PKP4: variants seen among roughly 807,000 people sequenced by gnomAD.
PKP4 encodes plakophilin-4.
PKP4 carries 90 observed loss-of-function variants against 145.1 expected under a neutral mutation model. That is an observed-to-expected ratio of 0.62 (90% CI 0.52 to 0.74). The LOEUF is 0.74. Ranked by LOEUF, PKP4 falls within the 30% of genes least tolerant of loss-of-function variation. PKP4 has a pLI of 0.00. For synonymous variants in PKP4, 563 were observed against 577.2 expected, an observed-to-expected ratio of 0.98 and a Z score of 0.35; for missense variants, 1,340 against 1,482.7, an observed-to-expected ratio of 0.90 and a Z score of 1.58.
chr2:158,620,320 G>GT (rs1170058834), intron 4 of PKP4, among the ~76,000 whole-genome samples: 1 of 152,032 alleles, frequency 6.6e-6, no homozygotes, highest in African/African-American at 2.4e-5. Flanking sequence ...AATGGGGTTT[G>GT]TTTTTTTCAA....
In PKP4 at chr2:158,654,616, G is replaced by T. The variant is rs143554703; in HGVS notation, c.1910-3515G>T. Among the ~76,000 whole-genome samples, 1,463 of 152,262 alleles carry T rather than the reference G, an allele frequency of 9.6e-3. 15 individuals carry two copies. Among genetic ancestry groups the T allele is most frequent in the Non-Finnish European group, 0.016 (1,090 of 68,026 alleles). On this transcript the variant is annotated intron_variant, in intron 11 of 21. Transcript: ENST00000389759. ...TGGATTCTCCTATCCCCGTAACTAA[G>T]ATGGTGGTTTCAGCAACCATCTGTT...
chr2:158,459,005 G>A (rs1689352447), intron 1 of PKP4, among the ~76,000 whole-genome samples: 1 of 152,130 alleles, frequency 6.6e-6, no homozygotes, highest in Non-Finnish European at 1.5e-5. Flanking sequence ...AATCAATGAT[G>A]GCTAGTATGC....
Position 158,673,942 on chromosome 2 carries a change from C to G in PKP4, c.3069C>G (p.Phe1023Leu), listed in dbSNP as rs1458428593. Reference sequence around the variant, plus strand: ...TGTCGACATTGGAGCGAGACCGATTCAAATCACATCCTTCCTTGTCTACCA... The same window carrying G: ...TGTCGACATTGGAGCGAGACCGATTGAAATCACATCCTTCCTTGTCTACCA... ...TPVSTLERDR[F>L]KSHPSLSTTN... The change falls in exon 19 of 22, where the codon TTC becomes TTG. Residue 1023 changes from phenylalanine to leucine, a missense_variant. Transcript: ENST00000389759. 2 of 1,613,378 alleles carry G rather than the reference C, an allele frequency of 1.2e-6. No individual in the cohort carries two copies. The highest frequency in any genetic ancestry group is 1.1e-5 in the South Asian group (1 of 91,072).
intron 3 of PKP4, among the ~76,000 whole-genome samples, chr2:158,591,094 TA>T: frequency 6.6e-6 from 1 of 152,178 alleles, no homozygotes; most frequent in Non-Finnish European, 1.5e-5. Context: ...AGAACCAGGC[TA>T]AAATTCTACA....
intron 11 of PKP4, among the ~76,000 whole-genome samples, chr2:158,657,415 A>G (rs1308968839): frequency 2.0e-5 from 3 of 152,222 alleles, no homozygotes; most frequent in African/African-American, 7.2e-5. Flanking sequence ...ATGAATTACA[A>G]TACAGGCGAT....
At chr2:158,494,994 G>A (rs765914948) in intron 1 of PKP4, among the ~76,000 whole-genome samples, 3 of 151,824 alleles carry the variant, frequency 2.0e-5, no homozygotes, top group Admixed American at 1.3e-4. Context: ...CGAGGCAGGC[G>A]GATCATGAGG....
chr2:158,638,981 C>A (rs1285228718), intron 9 of PKP4, among the ~76,000 whole-genome samples: 4 of 152,168 alleles, frequency 2.6e-5, no homozygotes, highest in Non-Finnish European at 4.4e-5. Context: ...TCCTGCTTCA[C>A]AGCCTTCATT....
intron 4 of PKP4, among the ~76,000 whole-genome samples, chr2:158,616,480 AT>A (rs899708108): frequency 6.5e-5 from 4 of 61,918 alleles, no homozygotes; most frequent in Non-Finnish European, 1.2e-4. Flanking sequence ...GTTTCTACTC[AT>A]TTTTTCCACA....
intron 1 of PKP4, among the ~76,000 whole-genome samples, chr2:158,524,447 C>A (rs963957480): frequency 9.7e-5 from 12 of 123,648 alleles, no homozygotes; most frequent in African/African-American, 3.8e-4. Context: ...GATTTTGTCA[C>A]CACCAGGCCA....
chr2:158,552,105 T>C (rs769031228), intron 2 of PKP4, among the ~76,000 whole-genome samples: 1 of 152,208 alleles, frequency 6.6e-6, no homozygotes, highest in Non-Finnish European at 1.5e-5. Flanking sequence ...TATCTGTCTA[T>C]GAGAGAGGCA....
chr2:158,598,300 G>A (rs1389627765), intron 3 of PKP4, among the ~76,000 whole-genome samples: 1 of 152,108 alleles, frequency 6.6e-6, no homozygotes, highest in Non-Finnish European at 1.5e-5. Flanking sequence ...AGCCCTACCT[G>A]AAAGAAGGTG....
intron 3 of PKP4, among the ~76,000 whole-genome samples, chr2:158,595,818 A>G (rs538225127): frequency 6.6e-6 from 1 of 152,274 alleles, no homozygotes; most frequent in South Asian, 2.1e-4. Context: ...TTATTTTGTC[A>G]TATTTCCTTG....
intron 1 of PKP4, among the ~76,000 whole-genome samples, chr2:158,463,076 T>C (rs1433890017): frequency 6.6e-6 from 1 of 152,196 alleles, no homozygotes; most frequent in African/African-American, 2.4e-5. Flanking sequence ...AATAAACTGC[T>C]GAACAGAAAC....
chr2:158,680,330 G>A, intron 21 of PKP4, 99 bp from the exon 22 acceptor site: 1 of 886,378 alleles, frequency 1.1e-6, no homozygotes, highest in South Asian at 1.7e-5. Context: ...ATTGAATATT[G>A]CTTTAAAAAT....
Position 158,680,774 on chromosome 2 carries a change from T to G in PKP4, c.*97T>G. ...TGATTTGATGATTGAAATGTGAAAGTGAAGTGGAAGGAATGAATGAAGTGT... is the reference window on the plus strand; with the variant it reads ...TGATTTGATGATTGAAATGTGAAAGGGAAGTGGAAGGAATGAATGAAGTGT... On this transcript the variant is annotated 3_prime_UTR_variant, in exon 22 of 22. Transcript: ENST00000389759. 2 of 1,107,040 alleles carry G rather than the reference T, an allele frequency of 1.8e-6. No homozygotes were observed. The highest frequency in any genetic ancestry group is 3.2e-5 in the South Asian group (2 of 62,318). The allele number at this position is 1,107,040 out of a possible 1,614,324, so 68.6% of individuals were successfully genotyped here.
At chr2:158,531,132 A>G (rs551889853) in intron 1 of PKP4, among the ~76,000 whole-genome samples, 1 of 152,298 alleles carries the variant, frequency 6.6e-6, no homozygotes, top group Non-Finnish European at 1.5e-5. Flanking sequence ...GAAATTAAGT[A>G]TGATATCCTC....
chr2:158,566,973 T>C (rs1353062850), intron 2 of PKP4, among the ~76,000 whole-genome samples: 1 of 152,192 alleles, frequency 6.6e-6, no homozygotes, highest in Non-Finnish European at 1.5e-5. Context: ...AAAAGTGGCA[T>C]GCTAAGGCTG....
At chr2:158,653,434 ATTACT>A (rs1289455026) in intron 11 of PKP4, among the ~76,000 whole-genome samples, 6 of 152,168 alleles carry the variant, frequency 3.9e-5, no homozygotes, top group Admixed American at 3.3e-4. Flanking sequence ...TGGTATTTTA[ATTACT>A]TTATTCATTC....
chr2:158,523,337 A>G (rs2042607269), intron 1 of PKP4, among the ~76,000 whole-genome samples: 1 of 75,472 alleles, frequency 1.3e-5, no homozygotes, highest in African/African-American at 5.5e-5. Context: ...ACCCCCGAGC[A>G]GCCTAACCGG....
Sources: gnomAD v4.1 joint callset for allele counts (sites outside exome capture counted in the v4.1 genomes callset) on GRCh38, gnomAD v4.1.1 for gene constraint, MANE v1.5 for transcripts, NCBI Gene and HGNC (gene_info 2026-07-23, HGNC 2026-07-21) for gene names.